The following ASAP1 variants were observed in gnomAD, a reference collection of about 807,000 sequenced individuals.
ASAP1 encodes the protein arf-GAP with SH3 domain, ANK repeat and PH domain-containing protein 1.
Under a neutral mutation model 145.2 loss-of-function variants are expected in ASAP1, and 43 were observed. The ratio of observed to expected loss-of-function variants is 0.30; its 90% confidence interval spans 0.23 to 0.38. The LOEUF is 0.38. Among genes scored for constraint, ASAP1 ranks in the 10% least tolerant of loss-of-function variants. The probability of loss-of-function intolerance (pLI) is 1.00; values close to 1 mark genes in which losing one functional copy is unlikely to be tolerated. For missense variants in ASAP1, 1,018 were observed against 1,355.3 expected, an observed-to-expected ratio of 0.75 and a Z score of 3.91; for synonymous variants, 546 against 515.5, an observed-to-expected ratio of 1.06 and a Z score of -0.80.
chr8:130,161,912 C>A (rs770191986), intron 11 of ASAP1, among the ~76,000 whole-genome samples: 2 of 152,094 alleles, frequency 1.3e-5, no homozygotes, highest in South Asian at 2.1e-4. Flanking sequence ...ATGAGTCTCT[C>A]GCCTCAGCCT....
chr8:130,072,097 C>A (rs1344787066), intron 27 of ASAP1, among the ~76,000 whole-genome samples: 1 of 152,136 alleles, frequency 6.6e-6, no homozygotes, highest in African/African-American at 2.4e-5. Context: ...CTACCCTATA[C>A]CCTGGGGGAA....
chr8:130,158,109 T>C (rs930861635), intron 12 of ASAP1, among the ~76,000 whole-genome samples: 7 of 152,174 alleles, frequency 4.6e-5, no homozygotes, highest in Non-Finnish European at 2.9e-5. Context: ...GAAATATTTA[T>C]AATTTTAACA....
At chr8:130,257,788 C>CA (rs35055966) in intron 3 of ASAP1, among the ~76,000 whole-genome samples, 1 of 72,980 alleles carries the variant, frequency 1.4e-5, no homozygotes, top group South Asian at 5.2e-4. Flanking sequence ...TCAAGAGCAC[C>CA]CCCCCCCCAT....
intron 2 of ASAP1, among the ~76,000 whole-genome samples, chr8:130,373,111 T>C (rs6415515): frequency 0.45 from 41,995 of 93,738 alleles, 7,561 homozygotes; most frequent in African/African-American, 0.54. Flanking sequence ...GAAATACATA[T>C]ACACACACAC....
intron 3 of ASAP1, among the ~76,000 whole-genome samples, chr8:130,300,113 T>TACACACACACACACAC (rs373589102): frequency 9.3e-4 from 68 of 72,882 alleles, no homozygotes; most frequent in Non-Finnish European, 1.3e-3. Flanking sequence ...AAAAGAAAAA[T>TACACACACACACACAC]ACACACACAC....
At chr8:130,143,281 C>T (rs2097617154) in intron 13 of ASAP1, among the ~76,000 whole-genome samples, 1 of 152,126 alleles carries the variant, frequency 6.6e-6, no homozygotes, top group Admixed American at 6.5e-5. Flanking sequence ...AAAACACATT[C>T]ATAGAAGAAA....
intron 2 of ASAP1, among the ~76,000 whole-genome samples, chr8:130,371,414 T>C (rs1477853666): frequency 6.6e-6 from 1 of 152,250 alleles, no homozygotes; most frequent in Non-Finnish European, 1.5e-5. Flanking sequence ...GTACCTGCTA[T>C]GTAGTCCCCG....
intron 12 of ASAP1, among the ~76,000 whole-genome samples, chr8:130,153,359 G>GTATATATA (rs1208128915): frequency 2.8e-4 from 8 of 28,936 alleles, no homozygotes; most frequent in Admixed American, 3.9e-4. Context: ...ATATATATAT[G>GTATATATA]TATATATATA....
intron 27 of ASAP1, among the ~76,000 whole-genome samples, chr8:130,068,183 G>A (rs1592725605): frequency 1.3e-5 from 2 of 152,220 alleles, no homozygotes; most frequent in South Asian, 4.2e-4. Flanking sequence ...TGCAAACTAA[G>A]AAAAAAGTGA....
chr8:130,435,171 G>C (rs1008457352), intron 1 of ASAP1, among the ~76,000 whole-genome samples: 1 of 152,154 alleles, frequency 6.6e-6, no homozygotes, highest in Admixed American at 6.6e-5. Context: ...TACGCAGGTG[G>C]GGAACTGAGG....
At chr8:130,306,528 T>G (rs904313752) in intron 3 of ASAP1, among the ~76,000 whole-genome samples, 1 of 152,218 alleles carries the variant, frequency 6.6e-6, no homozygotes, top group African/African-American at 2.4e-5. Flanking sequence ...ACATGATCAA[T>G]TGGTCAAAGG....
chr8:130,297,728 G>A (rs1489922071), intron 3 of ASAP1, among the ~76,000 whole-genome samples: 1 of 152,190 alleles, frequency 6.6e-6, no homozygotes, highest in Admixed American at 6.5e-5. Context: ...CAAAGCGGGG[G>A]GGCGGGGAGC....
chr8:130,275,492 C>T (rs1247347527), intron 3 of ASAP1, among the ~76,000 whole-genome samples: 1 of 152,206 alleles, frequency 6.6e-6, no homozygotes, highest in Non-Finnish European at 1.5e-5. Flanking sequence ...AGCTCTCCTC[C>T]TGGCTAGCCT....
intron 1 of ASAP1, among the ~76,000 whole-genome samples, chr8:130,417,084 C>T (rs1006489054): frequency 3.3e-5 from 5 of 152,162 alleles, no homozygotes; most frequent in Non-Finnish European, 5.9e-5. Flanking sequence ...AAAGTGCAAC[C>T]CATGTACAAC....
chr8:130,441,635 A>AG (rs1248461069), intron 1 of ASAP1, among the ~76,000 whole-genome samples: 1 of 152,214 alleles, frequency 6.6e-6, no homozygotes, highest in Non-Finnish European at 1.5e-5. Context: ...AGTCTTCACA[A>AG]GGGAGGGCTC....
At chr8:130,142,927 G>A (rs1032439256) in intron 13 of ASAP1, among the ~76,000 whole-genome samples, 1 of 152,192 alleles carries the variant, frequency 6.6e-6, no homozygotes, top group Non-Finnish European at 1.5e-5. Flanking sequence ...GAGAGGCTGA[G>A]AGAGTAAGGA....
chr8:130,247,960 C>A (rs184067401), intron 3 of ASAP1, among the ~76,000 whole-genome samples: 1 of 152,116 alleles, frequency 6.6e-6, no homozygotes, highest in African/African-American at 2.4e-5. Context: ...CACAACACCA[C>A]GTGGAGATGC....
At chr8:130,110,217 G>C (rs777922538) in intron 24 of ASAP1, among the ~76,000 whole-genome samples, 1 of 152,034 alleles carries the variant, frequency 6.6e-6, no homozygotes, top group Non-Finnish European at 1.5e-5. Flanking sequence ...GGAAATGAGG[G>C]GGTCTCTTGG....
rs568226737 is a variant in ASAP1 at position 130,303,640 on chromosome 8, ACTG to A, written c.186+54374_186+54376del. Among the ~76,000 whole-genome samples, 302 of 152,318 alleles carry A rather than the reference ACTG, an allele frequency of 2.0e-3. 2 individuals are homozygous for A. The highest frequency in any genetic ancestry group is 6.8e-3 in the African/African-American group (284 of 41,560). ...AGACATGGAGGAACCTTAAATGCGTACTGCTAAGTGAAAAAAGTCAATCTGAAA... is the reference window on the plus strand; with the variant it reads ...AGACATGGAGGAACCTTAAATGCGTACTAAGTGAAAAAAGTCAATCTGAAA... On this transcript the variant is annotated intron_variant, in intron 3 of 29. Coordinates refer to ENST00000518721, the MANE Select transcript of ASAP1 (RefSeq NM_018482.4).
Sources: gnomAD v4.1 joint callset for allele counts (sites outside exome capture counted in the v4.1 genomes callset) on GRCh38, gnomAD v4.1.1 for gene constraint, MANE v1.5 for transcripts, NCBI Gene and HGNC (gene_info 2026-07-23, HGNC 2026-07-21) for gene names.